The following KIAA1328 variants were observed in gnomAD, a reference collection of about 807,000 sequenced individuals.
KIAA1328 encodes protein hinderin.
KIAA1328 carries 52 observed loss-of-function variants against 68.1 expected under a neutral mutation model. That is an observed-to-expected ratio of 0.76 (90% CI 0.61 to 0.96). KIAA1328 has a LOEUF of 0.96. Ranked by LOEUF, KIAA1328 falls within the 40% of genes least tolerant of loss-of-function variation. The probability of loss-of-function intolerance (pLI) is 0.00; values close to 1 mark genes in which losing one functional copy is unlikely to be tolerated. For synonymous variants in KIAA1328, 232 were observed against 239.4 expected (o/e 0.97, Z 0.28); for missense variants, 641 against 677.6 (o/e 0.95, Z 0.60).
chr18:36,987,853 A>G (rs1598902055), intron 6 of KIAA1328, among the ~76,000 whole-genome samples: 2 of 152,198 alleles, frequency 1.3e-5, no homozygotes, highest in Non-Finnish European at 2.9e-5. Context: ...TTTTTAAAAA[A>G]AAAGAACTGC....
At chr18:37,064,330 T>C (rs543320774) in intron 6 of KIAA1328, among the ~76,000 whole-genome samples, 2 of 152,278 alleles carry the variant, frequency 1.3e-5, no homozygotes, top group South Asian at 4.1e-4. Context: ...AAACATGATG[T>C]TGCTGTGTAT....
At chr18:37,052,845 G>A (rs2055754150) in intron 6 of KIAA1328, among the ~76,000 whole-genome samples, 2 of 152,082 alleles carry the variant, frequency 1.3e-5, no homozygotes, top group Non-Finnish European at 2.9e-5. Flanking sequence ...TAACAGAGAT[G>A]ACAAAAACAG....
At chr18:37,089,834 G>T (rs1284487281) in intron 7 of KIAA1328, among the ~76,000 whole-genome samples, 1 of 152,122 alleles carries the variant, frequency 6.6e-6, no homozygotes, top group Non-Finnish European at 1.5e-5. Context: ...ATTTTTAAGG[G>T]TCATCTTTGT....
At chr18:36,835,445 G>A (rs536603374) in intron 3 of KIAA1328, 69 bp downstream of exon 3, 1 of 1,417,934 alleles carries the variant, frequency 7.1e-7, no homozygotes, top group Admixed American at 2.1e-5. Flanking sequence ...AAAAAGGGTA[G>A]AAGAACCTTT....
At chr18:37,073,321 A>T (rs2056599240) in intron 7 of KIAA1328, among the ~76,000 whole-genome samples, 1 of 152,222 alleles carries the variant, frequency 6.6e-6, no homozygotes, top group African/African-American at 2.4e-5. Flanking sequence ...TTACAAGAGG[A>T]AAAACAACCC....
intron 5 of KIAA1328, chr18:36,954,557 T>C (rs1173009723): frequency 6.6e-6 from 1 of 152,192 alleles, no homozygotes; most frequent in Non-Finnish European, 1.5e-5. Flanking sequence ...TTTCACCTAA[T>C]GGTTTTAGTA....
intron 5 of KIAA1328, among the ~76,000 whole-genome samples, chr18:36,905,326 G>T (rs577792631): frequency 1.3e-5 from 2 of 151,982 alleles, no homozygotes; most frequent in African/African-American, 4.8e-5. Flanking sequence ...TGGCCAGGCT[G>T]GTCTTGAATT....
intron 4 of KIAA1328, among the ~76,000 whole-genome samples, chr18:36,849,288 A>G (rs2047135205): frequency 6.6e-6 from 1 of 152,004 alleles, no homozygotes; most frequent in Non-Finnish European, 1.5e-5. Flanking sequence ...TAATGTGGTA[A>G]AATACACATG....
At chr18:36,876,162 A>G (rs887348522) in intron 4 of KIAA1328, among the ~76,000 whole-genome samples, 2 of 152,166 alleles carry the variant, frequency 1.3e-5, no homozygotes, top group African/African-American at 4.8e-5. Context: ...TTTTGGTATC[A>G]GGATGATGCT....
intron 6 of KIAA1328, among the ~76,000 whole-genome samples, chr18:37,049,056 G>T (rs1376132900): frequency 6.6e-6 from 1 of 152,140 alleles, no homozygotes; most frequent in Non-Finnish European, 1.5e-5. Context: ...TATTTATTGT[G>T]CATTGTGCAC....
At chr18:36,931,182 A>G (rs2050296237) in intron 5 of KIAA1328, among the ~76,000 whole-genome samples, 1 of 152,058 alleles carries the variant, frequency 6.6e-6, no homozygotes, top group South Asian at 2.1e-4. Flanking sequence ...TTTGGCTCCA[A>G]TTTGGATTTA....
At chr18:37,100,266 C>T (rs1236572667) in intron 7 of KIAA1328, among the ~76,000 whole-genome samples, 3 of 152,178 alleles carry the variant, frequency 2.0e-5, no homozygotes, top group Admixed American at 6.5e-5. Flanking sequence ...AATTCCCTTT[C>T]CTAGTCAAAG....
intron 6 of KIAA1328, among the ~76,000 whole-genome samples, chr18:36,966,683 T>G (rs570532522): frequency 6.6e-6 from 1 of 152,316 alleles, no homozygotes; most frequent in South Asian, 2.1e-4. Context: ...TTATTTCTGT[T>G]GATTACCAAT....
chr18:37,223,581 T>A lies in KIAA1328; in HGVS notation c.*1354T>A, dbSNP rs1394243264. On this transcript the variant is annotated 3_prime_UTR_variant, in exon 10 of 10. Coordinates refer to ENST00000280020, the MANE Select transcript of KIAA1328 (RefSeq NM_020776.3). ...GGTGTGGCTTTTTTTCTCTCCTTTT[T>A]ACCAACCCCAACTAAACTGGGAGTA... is the stretch of plus-strand genomic sequence containing the variant. 1 of 985,320 alleles carries A rather than the reference T, an allele frequency of 1.0e-6. No homozygotes were observed. The highest frequency in any genetic ancestry group is 1.1e-4 in the East Asian group (1 of 8,816). 61.0% of individuals were successfully genotyped at this position (985,320 alleles called of 1,614,324 possible). A position where few individuals can be genotyped will look rare whatever the true frequency, so the allele number is the denominator to read the frequency against.
At chr18:37,004,445 A>C (rs2053702022) in intron 6 of KIAA1328, among the ~76,000 whole-genome samples, 1 of 152,146 alleles carries the variant, frequency 6.6e-6, no homozygotes, top group African/African-American at 2.4e-5. Flanking sequence ...AAGTGGGCTA[A>C]GGACATGAAT....
At chr18:36,891,825 G>GT (rs2048698793) in intron 5 of KIAA1328, among the ~76,000 whole-genome samples, 1 of 152,128 alleles carries the variant, frequency 6.6e-6, no homozygotes, top group African/African-American at 2.4e-5. Flanking sequence ...TGGATACCCA[G>GT]TAGTGGGATT....
chr18:37,120,012 T>C (rs1198300934), intron 7 of KIAA1328, among the ~76,000 whole-genome samples: 1 of 152,162 alleles, frequency 6.6e-6, no homozygotes, highest in Admixed American at 6.5e-5. Context: ...CTGTAAGATA[T>C]TGACTTCAGG....
At chr18:36,975,451 G>A (rs1192613373) in intron 6 of KIAA1328, among the ~76,000 whole-genome samples, 1 of 152,046 alleles carries the variant, frequency 6.6e-6, no homozygotes, top group Non-Finnish European at 1.5e-5. Context: ...CAAAGTGCTG[G>A]GATTACAGGC....
At chr18:36,967,611 C>T (rs994260943) in intron 6 of KIAA1328, among the ~76,000 whole-genome samples, 1 of 152,176 alleles carries the variant, frequency 6.6e-6, no homozygotes, top group Non-Finnish European at 1.5e-5. Flanking sequence ...GCAGGAGGAA[C>T]ATTTCCCACC....
Sources: gnomAD v4.1 joint callset for allele counts (sites outside exome capture counted in the v4.1 genomes callset) on GRCh38, gnomAD v4.1.1 for gene constraint, MANE v1.5 for transcripts, NCBI Gene and HGNC (gene_info 2026-07-23, HGNC 2026-07-21) for gene names.